Variants in FOXO1 observed in about 807,000 individuals in gnomAD.
FOXO1 encodes forkhead box protein O1.
FOXO1 carries 6 observed loss-of-function variants against 44.1 expected under a neutral mutation model. The ratio of observed to expected loss-of-function variants is 0.14; its 90% CI spans 0.07 to 0.27. The LOEUF (loss-of-function observed/expected upper bound fraction) is 0.27, where lower values mean the gene tolerates loss of function less well. FOXO1 is among the 10% of genes least tolerant of loss of function. The pLI is 1.00. For missense variants in FOXO1, 737 were observed against 888.8 expected (o/e 0.83, Z 2.17); for synonymous variants, 380 against 362.7 (o/e 1.05, Z -0.54).
chr13:40,568,759 C>T (rs1440643823), intron 1 of FOXO1, among the ~76,000 whole-genome samples: 1 of 152,100 alleles, frequency 6.6e-6, no homozygotes, highest in African/African-American at 2.4e-5. Context: ...CCACTGCTAC[C>T]CCCACTGTGC....
chr13:40,664,317 G>A (rs73469066), intron 1 of FOXO1, among the ~76,000 whole-genome samples: 100 of 152,274 alleles, frequency 6.6e-4, no homozygotes, highest in African/African-American at 2.3e-3. Flanking sequence ...AGCCTTTACA[G>A]CAATTCCGCC....
rs777807232 is a variant in FOXO1 at position 40,560,210 on chromosome 13, G to C, written c.1281C>G (p.Gly427=). Residue 427 remains glycine (G), a synonymous_variant, in exon 2 of 3, where the codon GGC becomes GGG. Coordinates refer to ENST00000379561, the MANE Select transcript of FOXO1 (RefSeq NM_002015.4). The surrounding 1 kb of genome is among the most constrained non-coding windows in gnomAD (Gnocchi z 5.1). ...GGGGCAAAGGGCTCATGCTGGATTG[G>C]CCATATGTATATTTTTGGTAGTTTG... ...PSPNYQKYTY[G]QSSMSPLPQM... is the part of the protein sequence containing the mutation. 2.5e-5 allele frequency: 41 copies of C among 1,614,132 alleles called. No homozygotes were observed. The South Asian group carries it at 4.3e-4, about 17-fold the overall frequency.
chr13:40,636,446 G>A (rs1204239947), intron 1 of FOXO1, among the ~76,000 whole-genome samples: 2 of 151,918 alleles, frequency 1.3e-5, no homozygotes, highest in East Asian at 1.9e-4. Context: ...AATATGAGAG[G>A]ACTGCTTGAG....
intron 1 of FOXO1, among the ~76,000 whole-genome samples, chr13:40,640,135 C>T (rs1455011659): frequency 6.6e-6 from 1 of 152,174 alleles, no homozygotes; most frequent in African/African-American, 2.4e-5. Context: ...TAATCCTACA[C>T]TAAAATAGCA....
At chr13:40,618,377 T>C (rs1486649248) in intron 1 of FOXO1, among the ~76,000 whole-genome samples, 2 of 152,200 alleles carry the variant, frequency 1.3e-5, no homozygotes, top group Non-Finnish European at 2.9e-5. Context: ...CACCTGGCCC[T>C]GAAAACTTTA....
chr13:40,609,051 T>C (rs1009279380), intron 1 of FOXO1, among the ~76,000 whole-genome samples: 6 of 152,202 alleles, frequency 3.9e-5, no homozygotes, highest in African/African-American at 1.4e-4. Flanking sequence ...AGGGTAACTT[T>C]AAACAATGAC....
chr13:40,625,635 T>G (rs1420556850), intron 1 of FOXO1, among the ~76,000 whole-genome samples: 2 of 150,730 alleles, frequency 1.3e-5, no homozygotes, highest in African/African-American at 4.9e-5. Flanking sequence ...TATTCCTTTA[T>G]TTTAATAAAC....
chr13:40,574,116 C>G lies in FOXO1; in HGVS notation c.631-13256G>C, dbSNP rs897750870. On this transcript the variant is annotated intron_variant, in intron 1 of 2. Coordinates refer to ENST00000379561, the MANE Select transcript of FOXO1 (RefSeq NM_002015.4). ...ACGTTTTTTTATCTCTTCCAAGCTA[C>G]TATTCAAGGATACTCTGCACATGTA... Among the ~76,000 whole-genome samples, 8 of 152,194 alleles carry G rather than the reference C, an allele frequency of 5.3e-5. No individual in the cohort carries two copies. In the East Asian group the frequency reaches 1.5e-3, roughly 29 times the overall value.
In FOXO1 at chr13:40,665,587, C is replaced by A; in HGVS notation, c.626G>T (p.Trp209Leu). 1 of 1,421,896 alleles carries A rather than the reference C, an allele frequency of 7.0e-7. No individual in the cohort carries two copies. Among genetic ancestry groups the A allele is most frequent in the Admixed American group, 2.3e-5 (1 of 42,898 alleles). 88.1% of individuals were successfully genotyped at this position (1,421,896 alleles called of 1,614,324 possible). A position where few individuals can be genotyped will look rare whatever the true frequency, so the allele number is the denominator to read the frequency against. ...CCGCGCGCCGAGTCCACTCACCTTC[C>A]AGCCCGCCGAGCTGTTGCTGTCACC... ...DKGDSNSSAG[W>L]KNSIRHNLSL... Residue 209 changes from tryptophan (W) to leucine (L), a missense_variant, in exon 1 of 3, where the codon TGG becomes TTG. Around this residue, in one of 7 missense-constraint regions of FOXO1, gnomAD observed 49 missense variants for 50.2 expected, o/e 0.98. Transcript: ENST00000379561.
Position 40,655,295 on chromosome 13 carries a change from A to T in FOXO1, c.630+10288T>A, listed in dbSNP as rs1035450765. On this transcript the variant is annotated intron_variant, in intron 1 of 2. Transcript: ENST00000379561. ...AACCTGGGAGGCAGAGGTTGCAGTG[A>T]GCCAAGATTGGGCCACCGCACTCCA... 2.0e-5 allele frequency among the ~76,000 whole-genome samples: 3 copies of T among 150,232 alleles called. No individual in the cohort carries two copies. The East Asian group carries it at 5.9e-4, about 29-fold the overall frequency.
chr13:40,648,248 A>G (rs1176697331), intron 1 of FOXO1, among the ~76,000 whole-genome samples: 1 of 152,192 alleles, frequency 6.6e-6, no homozygotes, highest in Non-Finnish European at 1.5e-5. Context: ...GTTGGTAGCA[A>G]CAGAACACTC....
In FOXO1 at chr13:40,559,485, C is replaced by G. The variant is rs778492835; in HGVS notation, c.*14+24G>C. ...TTTTAAGTTCTATTTTTCAAAAGGT[C>G]TTTTGATATTGGGGTGAACTTACCT... On this transcript the variant is annotated intron_variant, in intron 2 of 2. Coordinates refer to ENST00000379561, the MANE Select transcript of FOXO1 (RefSeq NM_002015.4). 4 of 1,523,838 alleles carry G rather than the reference C, an allele frequency of 2.6e-6. No individual in the cohort carries two copies. In the East Asian group the frequency reaches 6.8e-5, roughly 26 times the overall value. The allele number at this position is 1,523,838 out of a possible 1,614,324, so 94.4% of individuals were successfully genotyped here.
At chr13:40,629,219 T>C (rs903959636) in intron 1 of FOXO1, among the ~76,000 whole-genome samples, 1 of 151,896 alleles carries the variant, frequency 6.6e-6, no homozygotes, top group Non-Finnish European at 1.5e-5. Context: ...CTCGGCCCAC[T>C]GCAACCTCCG....
intron 1 of FOXO1, among the ~76,000 whole-genome samples, chr13:40,624,317 TAAAAAAAAA>T (rs10552634): frequency 0.17 from 17,203 of 101,230 alleles, 1,952 homozygotes; most frequent in East Asian, 0.46. Flanking sequence ...TAATACTGCT[TAAAAAAAAA>T]AAAAAAAAAA....
intron 1 of FOXO1, among the ~76,000 whole-genome samples, chr13:40,645,325 A>G (rs543905100): frequency 1.3e-5 from 2 of 152,364 alleles, no homozygotes; most frequent in Admixed American, 1.3e-4. Flanking sequence ...ATGGTAAGAC[A>G]AACACATACT....
chr13:40,579,453 CAG>C (rs1278213380), intron 1 of FOXO1, among the ~76,000 whole-genome samples: 2 of 152,214 alleles, frequency 1.3e-5, no homozygotes, highest in African/African-American at 4.8e-5. Flanking sequence ...AATACACAGG[CAG>C]AGTTATGACA....
intron 1 of FOXO1, among the ~76,000 whole-genome samples, chr13:40,664,837 G>A (rs1481081247): frequency 6.6e-6 from 1 of 151,292 alleles, no homozygotes; most frequent in East Asian, 2.0e-4. Flanking sequence ...GCCACCGCCC[G>A]CGCCCGCCCC....
At chr13:40,617,539 T>C (rs1374903313) in intron 1 of FOXO1, among the ~76,000 whole-genome samples, 2 of 151,468 alleles carry the variant, frequency 1.3e-5, no homozygotes, top group Non-Finnish European at 2.9e-5. Context: ...GACCAGGTAA[T>C]ACGTCCCCAG....
chr13:40,608,511 T>C (rs868425318), intron 1 of FOXO1, among the ~76,000 whole-genome samples: 4 of 152,252 alleles, frequency 2.6e-5, no homozygotes, highest in South Asian at 2.1e-4. Context: ...GGTTATTTGT[T>C]ATGGAGCAAA....
Sources: allele counts gnomAD v4.1 joint callset (sites outside exome capture counted in the v4.1 genomes callset), GRCh38; gene constraint gnomAD v4.1.1; regional missense constraint gnomAD v4.1.1; non-coding constraint Gnocchi (gnomAD v3.1); transcripts MANE v1.5; gene names NCBI Gene and HGNC (gene_info 2026-07-23, HGNC 2026-07-21).